Variants in C2CD3 observed in about 807,000 individuals in gnomAD.
C2CD3 encodes C2 domain-containing protein 3.
C2CD3 carries 148 observed loss-of-function variants against 234.0 expected under a neutral mutation model. The observed-to-expected ratio is 0.63, with a 90% confidence interval of 0.55 to 0.72. The LOEUF (loss-of-function observed/expected upper bound fraction) is 0.72, where lower values mean the gene tolerates loss of function less well. C2CD3 is among the 30% of genes least tolerant of loss of function. C2CD3 has a pLI of 0.00. For missense variants in C2CD3, 2,577 were observed against 2,811.5 expected, an observed-to-expected ratio of 0.92 and a Z score of 1.89; for synonymous variants, 1,000 against 1,035.4, an observed-to-expected ratio of 0.97 and a Z score of 0.66.
At chr11:74,034,856 C>A (rs1952664046) in intron 30 of C2CD3, among the ~76,000 whole-genome samples, 1 of 152,220 alleles carries the variant, frequency 6.6e-6, no homozygotes, top group East Asian at 1.9e-4. Flanking sequence ...GCAAACCATC[C>A]TCTCTGAGCC....
chr11:74,037,437 A>C, intron 30 of C2CD3, 41 bp downstream of exon 30: 2 of 1,476,534 alleles, frequency 1.4e-6, no homozygotes, highest in Non-Finnish European at 1.9e-6. Context: ...ATTAGCACCT[A>C]GTGACCATAA....
intron 1 of C2CD3, among the ~76,000 whole-genome samples, chr11:74,170,117 T>C (rs1468204679): frequency 6.6e-6 from 1 of 151,842 alleles, no homozygotes; most frequent in African/African-American, 2.4e-5. Context: ...ATGAGGACTC[T>C]CTGCTGCACA....
chr11:74,018,983 C>T (rs555829891), intron 32 of C2CD3, among the ~76,000 whole-genome samples: 61 of 152,280 alleles, frequency 4.0e-4, no homozygotes, highest in Admixed American at 3.1e-3. Flanking sequence ...ACAGGGCCTA[C>T]GTCACTCCCT....
chr11:74,027,751 G>C (rs1952362666), intron 32 of C2CD3, among the ~76,000 whole-genome samples: 1 of 151,922 alleles, frequency 6.6e-6, no homozygotes, highest in South Asian at 2.1e-4. Flanking sequence ...TATTATTATT[G>C]TTTATTTTCT....
chr11:74,033,451 T>C lies in C2CD3; in HGVS notation c.6709A>G (p.Arg2237Gly). 2.0e-6 allele frequency: 3 copies of C among 1,536,186 alleles called. No homozygotes were observed. The highest frequency in any genetic ancestry group is 2.6e-6 in the Non-Finnish European group (3 of 1,146,904). ...KLPLNLASQS[R>G]RENHKGPPID... ...GGTGGTCCCTTATGGTTTTCCCTTC[T>C]GCTCTGGGAGGCTAGATTTAGCGGC... Residue 2237 changes from arginine to glycine, a missense_variant, in exon 31 of 33, where the codon AGA becomes GGA. Transcript: ENST00000334126.
chr11:74,040,393 T>C (rs1952976402), intron 29 of C2CD3, among the ~76,000 whole-genome samples: 1 of 152,140 alleles, frequency 6.6e-6, no homozygotes, highest in African/African-American at 2.4e-5. Context: ...TTAACTTGTC[T>C]CATTAACCAA....
chr11:74,170,731 A>G lies in C2CD3; in HGVS notation c.55+7T>C. 1 of 1,614,092 alleles carries G rather than the reference A, an allele frequency of 6.2e-7. No homozygotes were observed. The highest frequency in any genetic ancestry group is 8.5e-7 in the Non-Finnish European group (1 of 1,180,008). On this transcript the variant is annotated splice_region_variant and intron_variant, in intron 1 of 32. Transcript: ENST00000334126. ...CGCTTTCCTCAATCTTTGATCGCTC[A>G]GGTTACCTCTTTTTTTGCGCCCACG...
At chr11:74,118,199 C>T (rs1957092745) in intron 9 of C2CD3, 29 bp downstream of exon 9, 1 of 1,588,054 alleles carries the variant, frequency 6.3e-7, no homozygotes, top group Middle Eastern at 1.7e-4. Flanking sequence ...TTTGTGTTTA[C>T]CTTTAAATAA....
intron 4 of C2CD3, 92 bp from the exon 5 acceptor site, chr11:74,139,059 T>G (rs968121490): frequency 2.6e-6 from 3 of 1,141,350 alleles, no homozygotes; most frequent in Non-Finnish European, 3.7e-6. Flanking sequence ...CCAGTGGTTT[T>G]GGCAAGGTAG....
intron 2 of C2CD3, among the ~76,000 whole-genome samples, chr11:74,162,489 T>C (rs1856541436): frequency 6.6e-6 from 1 of 152,068 alleles, no homozygotes; most frequent in Non-Finnish European, 1.5e-5. Flanking sequence ...TGATAGAAAA[T>C]ACAACTGATT....
intron 29 of C2CD3, among the ~76,000 whole-genome samples, chr11:74,040,495 G>T (rs1272162642): frequency 6.6e-6 from 1 of 151,426 alleles, no homozygotes; most frequent in Non-Finnish European, 1.5e-5. Flanking sequence ...TCTTTTGGCC[G>T]GGTGCAATGG....
intron 3 of C2CD3, among the ~76,000 whole-genome samples, chr11:74,145,116 T>C (rs762763271): frequency 3.3e-5 from 5 of 152,266 alleles, no homozygotes; most frequent in Non-Finnish European, 5.9e-5. Context: ...ATCGTAGTTC[T>C]GTTTTTAGAT....
intron 3 of C2CD3, among the ~76,000 whole-genome samples, chr11:74,160,687 A>G (rs1856397641): frequency 6.6e-6 from 1 of 152,198 alleles, no homozygotes; most frequent in South Asian, 2.1e-4. Flanking sequence ...TTGGGTGAAT[A>G]CAGTTAACAA....
intron 28 of C2CD3, among the ~76,000 whole-genome samples, chr11:74,043,807 T>C (rs889430685): frequency 6.6e-6 from 1 of 152,186 alleles, no homozygotes; most frequent in African/African-American, 2.4e-5. Flanking sequence ...TATTTGCTTT[T>C]TATTATTGAG....
chr11:74,159,331 T>A (rs1384250530), intron 3 of C2CD3, among the ~76,000 whole-genome samples: 2 of 152,214 alleles, frequency 1.3e-5, no homozygotes, highest in Non-Finnish European at 2.9e-5. Context: ...CAAAGTTAAC[T>A]GTACAACAGC....
chr11:74,167,125 T>C (rs556474063), intron 2 of C2CD3, among the ~76,000 whole-genome samples: 2 of 152,334 alleles, frequency 1.3e-5, no homozygotes, highest in South Asian at 2.1e-4. Context: ...CCTAAAATCA[T>C]GTAGTTGGTA....
chr11:74,087,195 A>C (rs1955678100), intron 20 of C2CD3, among the ~76,000 whole-genome samples: 1 of 152,222 alleles, frequency 6.6e-6, no homozygotes. Context: ...CATCCATACA[A>C]TAGTATACCA....
intron 23 of C2CD3, among the ~76,000 whole-genome samples, chr11:74,075,081 C>T (rs574933617): frequency 8.8e-4 from 134 of 152,046 alleles, no homozygotes; most frequent in African/African-American, 3.1e-3. Flanking sequence ...AAGACTCTGT[C>T]TCAAAAAACA....
At chr11:74,073,765 A>C (rs557311932) in intron 24 of C2CD3, among the ~76,000 whole-genome samples, 28 of 152,314 alleles carry the variant, frequency 1.8e-4, no homozygotes, top group Non-Finnish European at 3.5e-4. Context: ...TCTACTGCCT[A>C]TATTCATAAT....
Sources: allele counts gnomAD v4.1 joint callset (sites outside exome capture counted in the v4.1 genomes callset), GRCh38; gene constraint gnomAD v4.1.1; transcripts MANE v1.5; gene names NCBI Gene and HGNC (gene_info 2026-07-23, HGNC 2026-07-21).